The following BRSK2 variants were observed in gnomAD, a reference collection of about 807,000 sequenced individuals.
BRSK2 encodes the protein serine/threonine-protein kinase BRSK2.
In BRSK2, 19 loss-of-function variants were observed where a neutral mutation model predicts 83.3. The observed-to-expected ratio is 0.23, with a 90% CI of 0.16 to 0.33. The LOEUF (loss-of-function observed/expected upper bound fraction) is 0.33, where lower values mean the gene tolerates loss of function less well. Among genes scored for constraint, BRSK2 ranks in the 10% least tolerant of loss-of-function variants. The pLI is 1.00. For missense variants in BRSK2, 798 were observed against 1,042.3 expected, an observed-to-expected ratio of 0.77 and a Z score of 3.23; for synonymous variants, 519 against 435.4, an observed-to-expected ratio of 1.19 and a Z score of -2.39.
In BRSK2 at chr11:1,454,686, C is replaced by T. The variant is rs1846256538; in HGVS notation, c.1668+78C>T. On this transcript the variant is annotated intron_variant, in intron 16 of 19. Coordinates refer to ENST00000528841, the MANE Select transcript of BRSK2 (RefSeq NM_001256627.2). This position sits in a 1 kb window ranked among gnomAD's most constrained non-coding sequence, Gnocchi z 5.2. ...CCCAGCCCCGAGAATCCAGCCTCCTCACGTAGACAGGACATGTCCACGCGC... is the reference window on the plus strand; with the variant it reads ...CCCAGCCCCGAGAATCCAGCCTCCTTACGTAGACAGGACATGTCCACGCGC... The T allele has an allele frequency of 1.3e-6, 2 of 1,561,250 alleles. No homozygotes were observed. The highest frequency in any genetic ancestry group is 1.1e-5 in the South Asian group (1 of 88,232).
chr11:1,426,989 C>T (rs867964043), intron 1 of BRSK2, among the ~76,000 whole-genome samples: 12 of 152,264 alleles, frequency 7.9e-5, no homozygotes, highest in East Asian at 5.8e-4. Context: ...TGGTGCGTGC[C>T]GGGGCGGTGA....
Position 1,454,412 on chromosome 11 carries a change from C to A in BRSK2, c.1545-73C>A. ...ATGGAAGATTCCGCCGTTCCAACCC[C>A]AGATTCGAGGGAGGCAGGGGTGTGG... On this transcript the variant is annotated intron_variant, in intron 15 of 19. Transcript: ENST00000528841. This position sits in a 1 kb window ranked among gnomAD's most constrained non-coding sequence, Gnocchi z 5.2. The A allele has an allele frequency of 6.4e-7, 1 of 1,573,070 alleles. No homozygotes were observed. The highest frequency in any genetic ancestry group is 8.7e-7 in the Non-Finnish European group (1 of 1,148,862).
At chr11:1,446,463 C>A (rs1328256768) in intron 12 of BRSK2, among the ~76,000 whole-genome samples, 2 of 152,004 alleles carry the variant, frequency 1.3e-5, no homozygotes, top group Non-Finnish European at 2.9e-5. Context: ...TTGACCCAAG[C>A]TTGGCTGGGC....
chr11:1,445,814 C>T lies in BRSK2; in HGVS notation c.1133C>T (p.Pro378Leu), dbSNP rs1412269781. ...PMLNRHGKRR[P>L]ERKSMEVLSV... ...CTGAACCGGCACGGCAAGCGGCGGC[C>T]AGAACGCAAATCCATGGAGGTGCTC... Residue 378 changes from proline to leucine, a missense_variant, in exon 12 of 20, where the codon CCA (proline) becomes CTA (leucine). Physicochemically the swap from Pro to Leu is moderately conservative, Grantham distance 98. Around this residue, in one of 6 missense-constraint regions of BRSK2, gnomAD observed 51 missense variants for 52.6 expected, o/e 0.97. Transcript: ENST00000528841. 6.2e-7 allele frequency: 1 copy of T among 1,612,508 alleles called. No individual in the cohort carries two copies.
intron 1 of BRSK2, among the ~76,000 whole-genome samples, chr11:1,420,639 A>G (rs943317279): frequency 6.6e-6 from 1 of 151,472 alleles, no homozygotes; most frequent in Non-Finnish European, 1.5e-5. Flanking sequence ...CCCAAGTCCT[A>G]TCTCCACCCC....
At chr11:1,429,283 G>T (rs1190405677) in intron 1 of BRSK2, among the ~76,000 whole-genome samples, 2 of 109,264 alleles carry the variant, frequency 1.8e-5, no homozygotes, top group Non-Finnish European at 3.3e-5. Context: ...TCGTGTGGGT[G>T]TGTGCACTGG....
At chr11:1,394,130 T>C (rs1179802616) in intron 1 of BRSK2, among the ~76,000 whole-genome samples, 10 of 75,554 alleles carry the variant, frequency 1.3e-4, no homozygotes, top group Middle Eastern at 0.01. Context: ...TGGAGATGGG[T>C]CCTGGAGATG....
Position 1,450,611 on chromosome 11 carries a change from G to C in BRSK2, c.1312G>C (p.Gly438Arg). ...GGTGACCCCTCACCCCTCACCAAGGGGCAGTCCCCTCCCCACCCCCAAGGG... is the reference window on the plus strand; with the variant it reads ...GGTGACCCCTCACCCCTCACCAAGGCGCAGTCCCCTCCCCACCCCCAAGGG... ...PRVTPHPSPRGSPLPTPKGTP... is the reference protein window; with the variant it reads ...PRVTPHPSPRRSPLPTPKGTP... The change falls in exon 14 of 20, where the codon GGC becomes CGC. Residue 438 changes from glycine to arginine, a missense_variant. Transcript: ENST00000528841. 1 of 1,593,108 alleles carries C rather than the reference G, an allele frequency of 6.3e-7. No individual in the cohort carries two copies. The highest frequency in any genetic ancestry group is 8.5e-7 in the Non-Finnish European group (1 of 1,172,296).
intron 13 of BRSK2, 134 bp from the exon 14 acceptor site, chr11:1,450,446 GCCAGCAC>G: frequency 1.7e-6 from 1 of 573,600 alleles, no homozygotes; most frequent in Non-Finnish European, 3.1e-6. Flanking sequence ...CCCCTTCCCG[GCCAGCAC>G]CCCAGCCCGG....
intron 12 of BRSK2, among the ~76,000 whole-genome samples, chr11:1,447,129 C>T (rs1852254838): frequency 6.6e-6 from 1 of 152,058 alleles, no homozygotes; most frequent in South Asian, 2.1e-4. Context: ...GCCCCCAGAA[C>T]CTCCTTCCCA....
At chr11:1,444,696 G>A (rs1181579888) in intron 8 of BRSK2, among the ~76,000 whole-genome samples, 1 of 148,744 alleles carries the variant, frequency 6.7e-6, no homozygotes. Context: ...CCTACCTGGA[G>A]CACCCCCTCC....
At chr11:1,411,019 C>T in intron 1 of BRSK2, 1 of 1,018,170 alleles carries the variant, frequency 9.8e-7, no homozygotes, top group East Asian at 7.6e-5. Flanking sequence ...AGCCGTGCGT[C>T]TGCCTTTTCT....
At chr11:1,413,324 C>T (rs530854973) in intron 1 of BRSK2, among the ~76,000 whole-genome samples, 7 of 152,246 alleles carry the variant, frequency 4.6e-5, no homozygotes, top group African/African-American at 1.4e-4. Flanking sequence ...CCCCTCCCAC[C>T]CCTGCAGCCC....
Position 1,445,848 on chromosome 11 carries a change from G to A in BRSK2, c.1167G>A (p.Thr389=), listed in dbSNP as rs370646463. 3.9e-5 allele frequency: 63 copies of A among 1,612,208 alleles called. No homozygotes were observed. The highest frequency in any genetic ancestry group is 7.7e-5 in the South Asian group (7 of 91,056). ...ERKSMEVLSV[T]DGGSPVPARR... ...AATCCATGGAGGTGCTCAGCGTGACGGACGGCGGCTCCCCGGTGCCTGCGC... is the reference window on the plus strand; with the variant it reads ...AATCCATGGAGGTGCTCAGCGTGACAGACGGCGGCTCCCCGGTGCCTGCGC... Residue 389 remains threonine, a synonymous_variant, in exon 12 of 20, where the codon ACG becomes ACA. Transcript: ENST00000528841.
intron 1 of BRSK2, among the ~76,000 whole-genome samples, chr11:1,433,744 C>G (rs1315160423): frequency 3.3e-5 from 5 of 152,252 alleles, no homozygotes; most frequent in South Asian, 2.1e-4. Flanking sequence ...GAGCGAATCA[C>G]AAGCCTTGTG....
Position 1,462,207 on chromosome 11 carries a change from A to C in BRSK2, c.*1484A>C, listed in dbSNP as rs1013218883. ...AGAGGGCTGCAGGCCCACCCTGCCC[A>C]GTGCCCGCCGCCGTGCTTCACCCCA... is the stretch of plus-strand genomic sequence containing the variant. On this transcript the variant is annotated 3_prime_UTR_variant, in exon 20 of 20. Transcript: ENST00000528841. The C allele has an allele frequency of 1.3e-5, 2 of 152,352 alleles. No individual in the cohort carries two copies. Among genetic ancestry groups the C allele is most frequent in the Non-Finnish European group, 2.9e-5 (2 of 68,148 alleles). 9.4% of individuals were successfully genotyped at this position (152,352 alleles called of 1,614,324 possible).
At chr11:1,449,685 C>T in intron 12 of BRSK2, 91 bp from the exon 13 acceptor site, 1 of 1,174,946 alleles carries the variant, frequency 8.5e-7, no homozygotes, top group Non-Finnish European at 1.2e-6. Context: ...TCCAGGCCTC[C>T]TGGAGGGTTT....
intron 1 of BRSK2, among the ~76,000 whole-genome samples, chr11:1,426,356 A>T (rs1849221168): frequency 6.6e-6 from 1 of 151,912 alleles, no homozygotes; most frequent in Non-Finnish European, 1.5e-5. Context: ...CTGGGCTTGG[A>T]TCTGTGGGGT....
chr11:1,427,962 G>C (rs1045427595), intron 1 of BRSK2, among the ~76,000 whole-genome samples: 1 of 152,218 alleles, frequency 6.6e-6, no homozygotes, highest in Non-Finnish European at 1.5e-5. Flanking sequence ...GCAGAGGCCT[G>C]CACTGCTGCC....
Sources: gnomAD v4.1 joint callset for allele counts (sites outside exome capture counted in the v4.1 genomes callset) on GRCh38, gnomAD v4.1.1 for gene constraint, gnomAD v4.1.1 regional missense constraint, Gnocchi (gnomAD v3.1) non-coding constraint, MANE v1.5 for transcripts, NCBI Gene and HGNC (gene_info 2026-07-23, HGNC 2026-07-21) for gene names.